The following ETV6 variants were observed in gnomAD, a reference collection of about 807,000 sequenced individuals.
ETV6 encodes ETS variant transcription factor 6.
In ETV6, 16 loss-of-function variants were observed where a neutral mutation model predicts 51.1. The ratio of observed to expected loss-of-function variants is 0.31; its 90% CI spans 0.21 to 0.48. The LOEUF (loss-of-function observed/expected upper bound fraction) is 0.48, where lower values mean the gene tolerates loss of function less well. Ranked by LOEUF, ETV6 falls within the 20% of genes least tolerant of loss-of-function variation. The pLI is 0.99. For synonymous variants in ETV6, 240 were observed against 224.1 expected (o/e 1.07, Z -0.64); for missense variants, 458 against 594.8 (o/e 0.77, Z 2.39).
At chr12:11,804,687 C>G (rs1014665202) in intron 2 of ETV6, among the ~76,000 whole-genome samples, 1 of 152,218 alleles carries the variant, frequency 6.6e-6, no homozygotes, top group Non-Finnish European at 1.5e-5. Context: ...TTATCCTGCA[C>G]TATTTTTCTT....
chr12:11,661,440 C>T lies in ETV6; in HGVS notation c.33+11280C>T, dbSNP rs539637580. On this transcript the variant is annotated intron_variant, in intron 1 of 7. Coordinates refer to ENST00000396373, the MANE Select transcript of ETV6 (RefSeq NM_001987.5). The stretch of plus-strand genomic sequence containing the variant: ...ACTAATGGCCAGCAATGGCTGGGAA[C>T]AGCAGGACACTCTCACTTTGTACCT... Among the ~76,000 whole-genome samples the T allele has an allele frequency of 1.5e-4, 23 of 152,378 alleles. No individual in the cohort carries two copies. The East Asian group carries it at 4.4e-3, about 29-fold the overall frequency.
At chr12:11,805,461 T>G (rs1945815151) in intron 2 of ETV6, among the ~76,000 whole-genome samples, 1 of 152,220 alleles carries the variant, frequency 6.6e-6, no homozygotes, top group Admixed American at 6.5e-5. Context: ...TCAATGTAGT[T>G]ACATGTGGAG....
At chr12:11,842,081 CAAAA>C (rs35056557) in intron 3 of ETV6, among the ~76,000 whole-genome samples, 9 of 83,556 alleles carry the variant, frequency 1.1e-4, no homozygotes, top group Middle Eastern at 7.1e-3. Flanking sequence ...GACTCCGTCT[CAAAA>C]AAAAAAAAAA....
rs144564876 is a variant in ETV6 at position 11,837,743 on chromosome 12, C to T, written c.164-1397C>T. Among the ~76,000 whole-genome samples the T allele has an allele frequency of 3.3e-3, 496 of 152,294 alleles. 2 individuals carry two copies. The highest frequency in any genetic ancestry group is 0.012 in the African/African-American group (481 of 41,554). ...TCTTAGCAACACTGATGCCATTGCT[C>T]TGTTTGAGCTATTGATTCACACCAT... On this transcript the variant is annotated intron_variant, in intron 2 of 7. Transcript: ENST00000396373.
chr12:11,677,894 G>A (rs905775867), intron 1 of ETV6, among the ~76,000 whole-genome samples: 5 of 152,188 alleles, frequency 3.3e-5, no homozygotes, highest in African/African-American at 1.2e-4. Context: ...TGCAGTCACC[G>A]GAGCGCCTCC....
At chr12:11,832,084 G>T (rs986125034) in intron 2 of ETV6, among the ~76,000 whole-genome samples, 22 of 152,304 alleles carry the variant, frequency 1.4e-4, no homozygotes, top group African/African-American at 5.3e-4. Context: ...GAGAGTTTCT[G>T]AGCTCTAGAA....
intron 1 of ETV6, among the ~76,000 whole-genome samples, chr12:11,651,518 A>C (rs1863906648): frequency 6.6e-6 from 1 of 152,202 alleles, no homozygotes; most frequent in Admixed American, 6.5e-5. Context: ...AAAAATGCCT[A>C]ATGGAACTTT....
chr12:11,681,522 ATAAATC>A (rs1864530987), intron 1 of ETV6, among the ~76,000 whole-genome samples: 1 of 152,148 alleles, frequency 6.6e-6, no homozygotes. Context: ...AATTTAGTGA[ATAAATC>A]TATATAGCAA....
chr12:11,884,593 A>G lies in ETV6; in HGVS notation c.1152+6A>G, dbSNP rs765048987. 3 of 1,613,860 alleles carry G rather than the reference A, an allele frequency of 1.9e-6. No homozygotes were observed. Among genetic ancestry groups the G allele is most frequent in the Non-Finnish European group, 2.5e-6 (3 of 1,179,988 alleles). The stretch of plus-strand genomic sequence containing the variant: ...GACTGTGGGGAAACCATAAGGTAAA[A>G]GGGCAGCAGATATCTGCTCCATAAA... On this transcript the variant is annotated splice_donor_region_variant and intron_variant, in intron 6 of 7. Coordinates refer to ENST00000396373, the MANE Select transcript of ETV6 (RefSeq NM_001987.5).
chr12:11,853,659 C>CT, intron 4 of ETV6, 98 bp downstream of exon 4: 1 of 1,386,694 alleles, frequency 7.2e-7, no homozygotes, highest in East Asian at 2.3e-5. Flanking sequence ...TGTAAGTTCA[C>CT]TTTTCATTCA....
intron 4 of ETV6, among the ~76,000 whole-genome samples, chr12:11,858,428 C>G (rs1946664639): frequency 6.6e-6 from 1 of 150,460 alleles, no homozygotes; most frequent in South Asian, 2.1e-4. Flanking sequence ...GTCATTTGTC[C>G]TCTAGTGTTA....
intron 1 of ETV6, among the ~76,000 whole-genome samples, chr12:11,707,052 C>G (rs1565493409): frequency 6.6e-6 from 1 of 152,200 alleles, no homozygotes. Flanking sequence ...TTGGCTGACT[C>G]TGAAGAAGGA....
intron 1 of ETV6, among the ~76,000 whole-genome samples, chr12:11,739,692 A>G (rs1181494707): frequency 7.2e-6 from 1 of 138,138 alleles, no homozygotes; most frequent in South Asian, 2.4e-4. Flanking sequence ...AATTATCTGT[A>G]TTGACTATAC....
chr12:11,750,792 C>CTTTTTTTTG (rs1866007512), intron 1 of ETV6: 1 of 349,590 alleles, frequency 2.9e-6, no homozygotes, highest in Non-Finnish European at 5.3e-6. Flanking sequence ...TATGTGTGGG[C>CTTTTTTTTG]TTTTTTTTTT....
At chr12:11,879,476 A>G (rs1947053070) in intron 5 of ETV6, among the ~76,000 whole-genome samples, 2 of 152,244 alleles carry the variant, frequency 1.3e-5, no homozygotes, top group Non-Finnish European at 2.9e-5. Flanking sequence ...AGTTTATACA[A>G]TGAGTCTCTG....
chr12:11,770,150 G>C (rs1457944585), intron 2 of ETV6, among the ~76,000 whole-genome samples: 1 of 152,100 alleles, frequency 6.6e-6, no homozygotes, highest in Admixed American at 6.5e-5. Context: ...TGGTAATCAG[G>C]AAAATGCAAG....
chr12:11,664,204 T>G (rs78323754), intron 1 of ETV6, among the ~76,000 whole-genome samples: 3 of 152,366 alleles, frequency 2.0e-5, no homozygotes, highest in African/African-American at 7.2e-5. Flanking sequence ...AGAGAACTCT[T>G]TCTTGTTACT....
intron 1 of ETV6, among the ~76,000 whole-genome samples, chr12:11,737,302 G>A (rs1865722281): frequency 6.6e-6 from 1 of 152,222 alleles, no homozygotes; most frequent in African/African-American, 2.4e-5. Context: ...TGAGTCCATG[G>A]ATGGGGAGGG....
At position 11,822,470 on chromosome 12, in the gene ETV6, C is replaced by T. The variant is rs560301298; in HGVS notation, c.164-16670C>T. 1.8e-4 allele frequency among the ~76,000 whole-genome samples: 28 copies of T among 152,360 alleles called. No individual in the cohort carries two copies. The South Asian group carries it at 5.4e-3, about 29-fold the overall frequency. On this transcript the variant is annotated intron_variant, in intron 2 of 7. Coordinates refer to ENST00000396373, the MANE Select transcript of ETV6 (RefSeq NM_001987.5). Reference sequence around the variant, plus strand: ...AGCTCCTGGTCTTATTCATCTGTAGCATCAGTAAACATATACCCTTTACTG... The same window carrying T: ...AGCTCCTGGTCTTATTCATCTGTAGTATCAGTAAACATATACCCTTTACTG...
Sources: allele counts gnomAD v4.1 joint callset (sites outside exome capture counted in the v4.1 genomes callset), GRCh38; gene constraint gnomAD v4.1.1; transcripts MANE v1.5; gene names NCBI Gene and HGNC (gene_info 2026-07-23, HGNC 2026-07-21).